Variants in CHST15 observed in about 807,000 individuals in gnomAD.
The protein encoded by CHST15 is B cell RAG associated protein (GALNAC4S-6ST).
CHST15 carries 30 observed loss-of-function variants against 53.6 expected under a neutral mutation model. The ratio of observed to expected loss-of-function variants is 0.56; its 90% CI spans 0.42 to 0.76. The LOEUF is 0.76. Among genes scored for constraint, CHST15 ranks in the 30% least tolerant of loss-of-function variants. CHST15 has a pLI of 0.00. For missense variants in CHST15, 627 were observed against 740.5 expected (o/e 0.85, Z 1.78); for synonymous variants, 296 against 289.8 (o/e 1.02, Z -0.22).
chr10:124,038,089 TTTTG>T (rs1475354998), intron 5 of CHST15, among the ~76,000 whole-genome samples: 2 of 151,188 alleles, frequency 1.3e-5, no homozygotes, highest in African/African-American at 4.8e-5. Context: ...TTCCGTTTAT[TTTTG>T]TTTGTTTTTA....
rs573945095 is a variant in CHST15 at position 124,046,252 on chromosome 10, T to C, written c.-40A>G. 22 of 1,537,470 alleles carry C rather than the reference T, an allele frequency of 1.4e-5. No homozygotes were observed. In the East Asian group the frequency reaches 4.7e-4, roughly 33 times the overall value. On this transcript the variant is annotated 5_prime_UTR_variant, in exon 2 of 8. The change abolishes an upstream ATG in the 5' untranslated region. Coordinates refer to ENST00000435907, the MANE Select transcript of CHST15 (RefSeq NM_001270764.2). ...CCTGGGCTGCTGGCTTACCGAGCCA[T>C]GGGTGGGCCCCCCACGAGTCTGGAT...
At chr10:124,076,541 C>T (rs1949076071) in intron 1 of CHST15, among the ~76,000 whole-genome samples, 1 of 152,152 alleles carries the variant, frequency 6.6e-6, no homozygotes, top group Non-Finnish European at 1.5e-5. Context: ...CCGGGGAGTT[C>T]ACAATTCACA....
In CHST15 at chr10:124,073,608, C is replaced by A. The variant is rs117056598; in HGVS notation, c.-513+19861G>T. 3.1e-3 allele frequency among the ~76,000 whole-genome samples: 475 copies of A among 152,298 alleles called. 9 individuals are homozygous for A. The East Asian group carries it at 0.074, about 24-fold the overall frequency. On this transcript the variant is annotated intron_variant, in intron 1 of 7. Transcript: ENST00000435907. ...TTCACCAAAAAAAGAAAGCTAGATA[C>A]ATGGTGGTAAGTTTCTGCCCCATCA...
At chr10:124,054,684 G>A (rs1284381146) in intron 1 of CHST15, among the ~76,000 whole-genome samples, 1 of 152,100 alleles carries the variant, frequency 6.6e-6, no homozygotes, top group South Asian at 2.1e-4. Context: ...CTCAGGCAAC[G>A]AATTTAACCA....
rs191608117 is a variant in CHST15, at chr10:124,084,964, C to T, written c.-513+8505G>A. Among the ~76,000 whole-genome samples, 230 of 152,342 alleles carry T rather than the reference C, an allele frequency of 1.5e-3. 2 individuals are homozygous for T. Among genetic ancestry groups the T allele is most frequent in the African/African-American group, 5.1e-3 (213 of 41,576 alleles). Reference sequence around the variant, plus strand: ...CATCAGAAGTGTGTGGAGAGAAACACAAGCCCTCGGCCCACACTCCCCGGG... The same window carrying T: ...CATCAGAAGTGTGTGGAGAGAAACATAAGCCCTCGGCCCACACTCCCCGGG... On this transcript the variant is annotated intron_variant, in intron 1 of 7. Transcript: ENST00000435907.
At chr10:124,012,612 A>T (rs1946451794) in intron 6 of CHST15, 132 bp from the exon 7 acceptor site, 3 of 1,010,632 alleles carry the variant, frequency 3.0e-6, no homozygotes. Context: ...CAGAAGCTGG[A>T]TTTTAACACA....
intron 6 of CHST15, among the ~76,000 whole-genome samples, chr10:124,013,283 T>G (rs1946475475): frequency 6.6e-6 from 1 of 152,188 alleles, no homozygotes; most frequent in Admixed American, 6.5e-5. Context: ...GTTCTGACTC[T>G]GGTAGGACTG....
At chr10:124,061,153 C>A (rs1948558904) in intron 1 of CHST15, among the ~76,000 whole-genome samples, 2 of 152,156 alleles carry the variant, frequency 1.3e-5, no homozygotes, top group East Asian at 1.9e-4. Context: ...CCTCTCACTT[C>A]ATGGAGGATG....
At chr10:124,054,802 G>A (rs1030228348) in intron 1 of CHST15, among the ~76,000 whole-genome samples, 2 of 152,206 alleles carry the variant, frequency 1.3e-5, no homozygotes, top group Non-Finnish European at 2.9e-5. Context: ...GCTTAACCCA[G>A]AGTCTAGTAC....
intron 3 of CHST15, among the ~76,000 whole-genome samples, chr10:124,043,506 T>A (rs911992107): frequency 1.3e-5 from 2 of 152,258 alleles, no homozygotes; most frequent in African/African-American, 4.8e-5. Context: ...GATTCCCTTC[T>A]AGTCAACCTG....
chr10:124,053,611 G>A (rs1590284420), intron 1 of CHST15, among the ~76,000 whole-genome samples: 1 of 151,688 alleles, frequency 6.6e-6, no homozygotes, highest in Non-Finnish European at 1.5e-5. Flanking sequence ...ACCAGCAGCC[G>A]ATAGGCCAAT....
At chr10:124,028,128 G>A (rs1564861219) in intron 5 of CHST15, among the ~76,000 whole-genome samples, 1 of 152,204 alleles carries the variant, frequency 6.6e-6, no homozygotes, top group South Asian at 2.1e-4. Flanking sequence ...CCAATGCCAC[G>A]GTCGGGAACA....
At chr10:124,010,462 G>C (rs1946380388) in intron 7 of CHST15, 123 bp from the exon 8 acceptor site, 4 of 1,405,826 alleles carry the variant, frequency 2.8e-6, no homozygotes, top group Non-Finnish European at 3.7e-6. Context: ...AACATATTTA[G>C]GGATTAAAAT....
rs1946330508 is a variant in CHST15 at position 124,008,575 on chromosome 10, C to T, written c.*1574G>A. 1.6e-5 allele frequency: 16 copies of T among 1,014,980 alleles called. No homozygotes were observed. Among genetic ancestry groups the T allele is most frequent in the Non-Finnish European group, 1.9e-5 (16 of 846,454 alleles). 62.9% of individuals were successfully genotyped at this position (1,014,980 alleles called of 1,614,324 possible). On this transcript the variant is annotated 3_prime_UTR_variant, in exon 8 of 8. Transcript: ENST00000435907. ...CTGGCGCTCAGAGCCCTCTGCACACCTTCGAACGGGCTGTGTGTCCCTTCT... is the reference window on the plus strand; with the variant it reads ...CTGGCGCTCAGAGCCCTCTGCACACTTTCGAACGGGCTGTGTGTCCCTTCT...
At position 124,008,875 on chromosome 10, in the gene CHST15, G is replaced by A. The variant is rs760503750; in HGVS notation, c.*1274C>T. On this transcript the variant is annotated 3_prime_UTR_variant, in exon 8 of 8. Transcript: ENST00000435907. ...CTTCAATCTTCCCTGTGACTTCCAA[G>A]AAACGACAAGATCTCTAGCCCATCC... The A allele has an allele frequency of 2.4e-5, 31 of 1,275,000 alleles. No individual in the cohort carries two copies. The highest frequency in any genetic ancestry group is 3.2e-5 in the Non-Finnish European group (31 of 977,526). 79.0% of individuals were successfully genotyped at this position (1,275,000 alleles called of 1,614,324 possible). A position where few individuals can be genotyped will look rare whatever the true frequency, so the allele number is the denominator to read the frequency against.
chr10:124,085,717 G>C (rs1949399604), intron 1 of CHST15, among the ~76,000 whole-genome samples: 1 of 152,146 alleles, frequency 6.6e-6, no homozygotes. Context: ...GTGTGGGACA[G>C]GGTCAAGGTT....
Position 124,007,974 on chromosome 10 carries a change from G to C in CHST15, c.*2175C>G. On this transcript the variant is annotated 3_prime_UTR_variant, in exon 8 of 8. Transcript: ENST00000435907. ...ATGAGAGGAAGCAGAGGCAGCCGAA[G>C]TGCCCTCTGGAGAGAAAGGCCCCTG... 8.6e-7 allele frequency: 1 copy of C among 1,162,094 alleles called. No individual in the cohort carries two copies. Among genetic ancestry groups the C allele is most frequent in the Non-Finnish European group, 1.0e-6 (1 of 963,858 alleles). The allele number at this position is 1,162,094 out of a possible 1,614,324, so 72.0% of individuals were successfully genotyped here. A position where few individuals can be genotyped will look rare whatever the true frequency, so the allele number is the denominator to read the frequency against.
intron 1 of CHST15, among the ~76,000 whole-genome samples, chr10:124,051,535 C>A (rs184655965): frequency 2.6e-5 from 4 of 152,076 alleles, no homozygotes; most frequent in African/African-American, 9.7e-5. Context: ...CATTTGGTGC[C>A]GGTCGACTCA....
intron 1 of CHST15, among the ~76,000 whole-genome samples, chr10:124,073,764 G>T (rs1948991869): frequency 6.6e-6 from 1 of 152,184 alleles, no homozygotes; most frequent in Non-Finnish European, 1.5e-5. Context: ...TTTCCTTTCA[G>T]AGGCGCCAAA....
Sources: gnomAD v4.1 joint callset for allele counts (sites outside exome capture counted in the v4.1 genomes callset) on GRCh38, gnomAD v4.1.1 for gene constraint, MANE v1.5 for transcripts, NCBI Gene and HGNC (gene_info 2026-07-23, HGNC 2026-07-21) for gene names.